DGKK: variants seen among roughly 807,000 people sequenced by gnomAD.
The protein encoded by DGKK is diacylglycerol kinase kappa, also known as 142 kDa diacylglycerol kinase.
Under a neutral mutation model 92.2 loss-of-function variants are expected in DGKK, and 35 were observed. The ratio of observed to expected loss-of-function variants is 0.38; its 90% CI spans 0.29 to 0.50. The LOEUF (loss-of-function observed/expected upper bound fraction) is 0.50, where lower values mean the gene tolerates loss of function less well. DGKK is among the 20% of genes least tolerant of loss of function. The pLI, the probability that DGKK is intolerant of heterozygous loss-of-function variation, is 0.92. For missense variants in DGKK, 910 were observed against 992.2 expected (o/e 0.92, Z 1.11); for synonymous variants, 368 against 360.6 (o/e 1.02, Z -0.23).
chrX:50,462,220 G>A (rs894356517), intron 1 of DGKK, among the ~76,000 whole-genome samples: 51 of 110,654 alleles, frequency 4.6e-4, no homozygotes, highest in African/African-American at 1.6e-3. Context: ...TGGATGATGG[G>A]GAAGGTAACC....
chrX:50,470,537 C>T lies in DGKK; in HGVS notation c.142G>A (p.Glu48Lys). The T allele has an allele frequency of 8.3e-7, 1 of 1,209,551 alleles. No individual in the cohort carries two copies. Among genetic ancestry groups the T allele is most frequent in the East Asian group, 3.0e-5 (1 of 33,819 alleles). The change falls in exon 1 of 28, where the codon GAG (glutamate) becomes AAG (lysine). Residue 48 changes from glutamate (E) to lysine (K), a missense_variant. Coordinates refer to ENST00000611977, the MANE Select transcript of DGKK (RefSeq NM_001013742.4). The part of the protein sequence containing the change: ...APPPAPPLLS[E>K]ASPEPIPEPC... ...TCTGGTATGGGTTCTGGCGAAGCCT[C>T]GGAGAGCAGCGGCGGAGCCGGCGGC...
At chrX:50,405,567 T>G (rs1557227192) in intron 4 of DGKK, among the ~76,000 whole-genome samples, 1 of 106,592 alleles carries the variant, frequency 9.4e-6, no homozygotes, top group Admixed American at 1.0e-4. Flanking sequence ...AGCTAGCTAC[T>G]GAGGGCTCTA....
At position 50,403,582 on chromosome X, in the gene DGKK, G is replaced by A; in HGVS notation, c.1094C>T (p.Ser365Phe). The A allele has an allele frequency of 8.3e-7, 1 of 1,207,200 alleles. No homozygotes were observed. The highest frequency in any genetic ancestry group is 1.1e-6 in the Non-Finnish European group (1 of 892,066). The change falls in exon 6 of 28, where the codon TCT becomes TTT. Residue 365 changes from serine (S) to phenylalanine (F), a missense_variant. Ser to Phe is a radical substitution (Grantham distance 155, BLOSUM62 -2). Coordinates refer to ENST00000611977, the MANE Select transcript of DGKK (RefSeq NM_001013742.4). Reference sequence around the variant, plus strand: ...TGCTCTCAAAGCACACAATCTGTGAGATTTCACTTTGCACACTGTGAGAAG... The same window carrying A: ...TGCTCTCAAAGCACACAATCTGTGAAATTTCACTTTGCACACTGTGAGAAG... ...AIICEVCKVKSHRLCALRASK... is the reference protein window; with the variant it reads ...AIICEVCKVKFHRLCALRASK...
chrX:50,374,920 A>G, intron 25 of DGKK, 51 bp downstream of exon 25: 1 of 1,075,504 alleles, frequency 9.3e-7, no homozygotes, highest in Non-Finnish European at 1.3e-6. Flanking sequence ...GACCATGACC[A>G]TGTTCAGATA....
At chrX:50,411,707 A>G (rs1557227981) in intron 4 of DGKK, among the ~76,000 whole-genome samples, 1 of 111,933 alleles carries the variant, frequency 8.9e-6, no homozygotes. Flanking sequence ...GATAATTGTC[A>G]TATGTAAAAA....
At chrX:50,404,546 A>G (rs1393226828) in intron 4 of DGKK, among the ~76,000 whole-genome samples, 1 of 107,260 alleles carries the variant, frequency 9.3e-6, no homozygotes. Flanking sequence ...CCCGGATTCA[A>G]GTGATTCTCC....
At position 50,470,774 on chromosome X, in the gene DGKK, CT is replaced by C; in HGVS notation, c.-97del. ...CCCGCCCACTCCAGTCCGGCAGCCCCTCGCAGGGTGCCAAACTTTCCCCCAT... is the reference window on the plus strand; with the variant it reads ...CCCGCCCACTCCAGTCCGGCAGCCCCCGCAGGGTGCCAAACTTTCCCCCAT... On this transcript the variant is annotated 5_prime_UTR_variant, in exon 1 of 28. It removes the in-frame stop codon of an upstream open reading frame in the 5' UTR. Coordinates refer to ENST00000611977, the MANE Select transcript of DGKK (RefSeq NM_001013742.4). The C allele has an allele frequency of 1.0e-6, 1 of 993,820 alleles. No individual in the cohort carries two copies. Among genetic ancestry groups the C allele is most frequent in the Non-Finnish European group, 1.3e-6 (1 of 758,960 alleles). The allele number at this position is 993,820 out of a possible 1,213,427, so 81.9% of individuals were successfully genotyped here. A position where few individuals can be genotyped will look rare whatever the true frequency, so the allele number is the denominator to read the frequency against.
intron 8 of DGKK, 125 bp downstream of exon 8, chrX:50,400,912 C>T: frequency 1.7e-6 from 1 of 598,359 alleles, no homozygotes. Context: ...TACACATGCA[C>T]AGTCCTACTT....
In DGKK at chrX:50,470,562, CGGAGCCGGTGGT is replaced by C. The variant is rs781873367; in HGVS notation, c.105_116del (p.Pro41_Pro44del). ...CGGAGAGCAGCGGCGGAGCCGGCGG[CGGAGCCGGTGGT>C]GGTGGCGGCGGCGGCCAAGGCGGCG... On this transcript the variant is annotated inframe_deletion, in exon 1 of 28. Transcript: ENST00000611977. 2.4e-5 allele frequency: 29 copies of C among 1,203,699 alleles called. No homozygotes were observed. The African/African-American group carries it at 4.9e-4, about 20-fold the overall frequency.
At chrX:50,394,829 T>C (rs1228940365) in intron 8 of DGKK, among the ~76,000 whole-genome samples, 1 of 111,708 alleles carries the variant, frequency 9.0e-6, no homozygotes, top group Non-Finnish European at 1.9e-5. Flanking sequence ...GGTGTTATTT[T>C]AGACAGAGTG....
At chrX:50,444,426 G>C in intron 1 of DGKK, among the ~76,000 whole-genome samples, 1 of 110,300 alleles carries the variant, frequency 9.1e-6, no homozygotes, top group Non-Finnish European at 1.9e-5. Flanking sequence ...ACTTTTTTCT[G>C]ATCCTCTCCC....
intron 4 of DGKK, among the ~76,000 whole-genome samples, chrX:50,419,314 G>A (rs1925512667): frequency 9.0e-6 from 1 of 111,548 alleles, no homozygotes; most frequent in Non-Finnish European, 1.9e-5. Flanking sequence ...AGAATGTATA[G>A]TTATGAGACT....
rs782788578 is a variant in DGKK at position 50,456,890 on chromosome X, G to A, written c.645+13144C>T. The stretch of plus-strand genomic sequence containing the variant: ...GGGAACCCTAGGTTCTGGGTGTCTA[G>A]CCCGGAGGGGATAGCAGTGAAGGCC... On this transcript the variant is annotated intron_variant, in intron 1 of 27. Transcript: ENST00000611977. Among the ~76,000 whole-genome samples, 20 of 111,808 alleles carry A rather than the reference G, an allele frequency of 1.8e-4. 1 individual carries two copies. In the South Asian group the frequency reaches 7.6e-3, roughly 43 times the overall value.
intron 1 of DGKK, among the ~76,000 whole-genome samples, chrX:50,449,828 C>G (rs782818879): frequency 1.8e-5 from 2 of 111,968 alleles, no homozygotes; most frequent in African/African-American, 3.2e-5. Context: ...GAGTCAATCC[C>G]TCGAATTGAC....
chrX:50,380,569 TA>T (rs1557224356), intron 18 of DGKK, among the ~76,000 whole-genome samples: 2 of 111,390 alleles, frequency 1.8e-5, no homozygotes, highest in Admixed American at 9.6e-5. Flanking sequence ...ACTAAATGCC[TA>T]ATTCAATGCC....
At position 50,470,379 on chromosome X, in the gene DGKK, C is replaced by CTCTGTGGCAGGTTCTGGGGCCGGT. The variant is rs782727134; in HGVS notation, c.276_299dup (p.Thr107_Ala114dup). The CTCTGTGGCAGGTTCTGGGGCCGGT allele has an allele frequency of 1.7e-6, 2 of 1,208,536 alleles. No homozygotes were observed. Among genetic ancestry groups the CTCTGTGGCAGGTTCTGGGGCCGGT allele is most frequent in the African/African-American group, 3.5e-5 (2 of 57,147 alleles). On this transcript the variant is annotated inframe_insertion, in exon 1 of 28. Transcript: ENST00000611977. ...GCTCTGTGGCAGGTTCTGGGGCCGG[C>CTCTGTGGCAGGTTCTGGGGCCGGT]TCTGTGGCAGGTTCTGGGGCCGGTT...
In DGKK at chrX:50,387,635, C is replaced by T. The variant is rs376553557; in HGVS notation, c.2037G>A (p.Val679=). The T allele has an allele frequency of 1.4e-4, 172 of 1,196,728 alleles. No individual in the cohort carries two copies. In the African/African-American group the frequency reaches 2.7e-3, roughly 19 times the overall value. Residue 679 remains valine, a synonymous_variant, in exon 14 of 28, where the codon GTG becomes GTA. Coordinates refer to ENST00000611977, the MANE Select transcript of DGKK (RefSeq NM_001013742.4). ...IIATRFLCSA[V]EDFVVDIVKA... ...TTACAATATCAACCACAAAATCTTC[C>T]ACAGCTGAACACAAGAATCTGGAAA... is the stretch of plus-strand genomic sequence containing the variant.
At position 50,378,148 on chromosome X, in the gene DGKK, G is replaced by A; in HGVS notation, c.3061C>T (p.Leu1021Phe). ...GCGTTCTTGTATCTAATTTTGATAA[G>A]GCCTGGTCTCTGAATCCAGGCCTCC... ...DGEAWIQRPG[L>F]IKIRYKNAAQ... The change falls in exon 22 of 28, where the codon CTT becomes TTT. Residue 1021 changes from leucine (L) to phenylalanine (F), a missense_variant. Leu to Phe is a conservative substitution (Grantham distance 22). Coordinates refer to ENST00000611977, the MANE Select transcript of DGKK (RefSeq NM_001013742.4). 8.3e-7 allele frequency: 1 copy of A among 1,210,155 alleles called. No homozygotes were observed. The highest frequency in any genetic ancestry group is 1.1e-6 in the Non-Finnish European group (1 of 894,729).
intron 1 of DGKK, among the ~76,000 whole-genome samples, chrX:50,432,238 G>A (rs1925907554): frequency 8.9e-6 from 1 of 112,133 alleles, no homozygotes; most frequent in Non-Finnish European, 1.9e-5. Context: ...ACTGCTTCCT[G>A]TGCTAAGGAA....
Sources: gnomAD v4.1 joint callset for allele counts (sites outside exome capture counted in the v4.1 genomes callset) on GRCh38, gnomAD v4.1.1 for gene constraint, MANE v1.5 for transcripts, NCBI Gene and HGNC (gene_info 2026-07-23, HGNC 2026-07-21) for gene names.